Variants in RANBP17 observed in about 807,000 individuals in gnomAD.
The protein encoded by RANBP17 is ran-binding protein 17.
In RANBP17, 158 loss-of-function variants were observed where a neutral mutation model predicts 141.2. That is an observed-to-expected ratio of 1.12 (90% CI 0.98 to 1.28). RANBP17 has a LOEUF of 1.28. Among genes scored for constraint, RANBP17 ranks in the 50% most tolerant of loss-of-function variants. The pLI, the probability that RANBP17 is intolerant of heterozygous loss-of-function variation, is 0.00. For missense variants in RANBP17, 1,438 were observed against 1,290.7 expected (o/e 1.11, Z -1.75); for synonymous variants, 430 against 450.0 (o/e 0.96, Z 0.56).
chr5:171,265,976 TGTCTGGGAGTA>T, intron 25 of RANBP17, 129 bp downstream of exon 25: 1 of 686,390 alleles, frequency 1.5e-6, no homozygotes, highest in Non-Finnish European at 2.3e-6. Context: ...ATATATATAT[TGTCTGGGAGTA>T]TTTTCCCTGA....
chr5:171,009,299 T>C (rs535218343), intron 14 of RANBP17, among the ~76,000 whole-genome samples: 5 of 152,324 alleles, frequency 3.3e-5, no homozygotes, highest in Admixed American at 6.5e-5. Context: ...ATAATAAATA[T>C]AAAGAGTGTC....
chr5:171,257,844 G>A (rs1395930840), intron 24 of RANBP17, among the ~76,000 whole-genome samples: 2 of 151,972 alleles, frequency 1.3e-5, no homozygotes, highest in African/African-American at 2.4e-5. Context: ...GGTGGCTCAC[G>A]CCTGTAATCC....
chr5:170,996,157 CA>C (rs1163692164), intron 14 of RANBP17, among the ~76,000 whole-genome samples: 1 of 152,092 alleles, frequency 6.6e-6, no homozygotes, highest in African/African-American at 2.4e-5. Flanking sequence ...CTTTCTACAT[CA>C]AAAGGGCTAG....
chr5:171,040,216 A>G (rs1190423849), intron 14 of RANBP17, among the ~76,000 whole-genome samples: 1 of 152,218 alleles, frequency 6.6e-6, no homozygotes, highest in East Asian at 1.9e-4. Context: ...TTGTTTCAAC[A>G]TAATGCAAAT....
At chr5:170,901,414 A>G (rs1220499460) in intron 5 of RANBP17, among the ~76,000 whole-genome samples, 4 of 151,648 alleles carry the variant, frequency 2.6e-5, no homozygotes, top group Non-Finnish European at 4.4e-5. Context: ...GGCTATTTAC[A>G]AAGGCACATG....
chr5:170,878,855 C>A (rs1554127347), intron 2 of RANBP17, among the ~76,000 whole-genome samples: 1 of 151,926 alleles, frequency 6.6e-6, no homozygotes, highest in Non-Finnish European at 1.5e-5. Flanking sequence ...CTGTGAAGGG[C>A]CAGATAGCAA....
At chr5:171,178,847 C>G (rs866168289) in intron 16 of RANBP17, among the ~76,000 whole-genome samples, 2 of 152,088 alleles carry the variant, frequency 1.3e-5, no homozygotes, top group East Asian at 3.9e-4. Flanking sequence ...TCCTATCCGT[C>G]GCCCACTTTT....
chr5:171,223,527 C>CT (rs1363634939), intron 22 of RANBP17, among the ~76,000 whole-genome samples: 1 of 152,076 alleles, frequency 6.6e-6, no homozygotes, highest in African/African-American at 2.4e-5. Flanking sequence ...CCCAGCTACT[C>CT]AGGAGGCTGA....
intron 14 of RANBP17, among the ~76,000 whole-genome samples, chr5:171,085,152 A>G (rs1785551602): frequency 8.3e-6 from 1 of 120,680 alleles, no homozygotes; most frequent in Admixed American, 8.7e-5. Context: ...AGGTGTAAGG[A>G]AGGGATCCAG....
At chr5:170,911,560 T>C (rs1378335976) in intron 7 of RANBP17, among the ~76,000 whole-genome samples, 1 of 151,722 alleles carries the variant, frequency 6.6e-6, no homozygotes, top group Admixed American at 6.6e-5. Context: ...CTTAACTGCC[T>C]TAACTTTGAC....
At chr5:171,068,006 C>G (rs1388835260) in intron 14 of RANBP17, among the ~76,000 whole-genome samples, 1 of 151,960 alleles carries the variant, frequency 6.6e-6, no homozygotes, top group Non-Finnish European at 1.5e-5. Flanking sequence ...CTTTAATTCT[C>G]ATAATGTGTA....
chr5:171,089,271 G>GGGGGTTA (rs1561641416), intron 14 of RANBP17, among the ~76,000 whole-genome samples: 24 of 97,888 alleles, frequency 2.5e-4, no homozygotes, highest in African/African-American at 7.1e-4. Flanking sequence ...TAGGCTGCTC[G>GGGGGTTA]GGGGTCACGG....
At chr5:171,197,756 C>G (rs1226879910) in intron 18 of RANBP17, among the ~76,000 whole-genome samples, 1 of 152,116 alleles carries the variant, frequency 6.6e-6, no homozygotes, top group East Asian at 1.9e-4. Flanking sequence ...AAGAGCCAGG[C>G]GGCCGGGCGC....
intron 14 of RANBP17, among the ~76,000 whole-genome samples, chr5:171,141,978 C>A (rs1757736423): frequency 1.3e-5 from 2 of 152,234 alleles, no homozygotes; most frequent in African/African-American, 4.8e-5. Context: ...GCGTAATTTG[C>A]ATGCCTTCAA....
rs1763452387 is a variant in RANBP17, at chr5:171,219,996, G to A, written c.2340-1762G>A. Reference sequence around the variant, plus strand: ...CATTCTGGTTTTTGGAATTTTCAGTGTTTTTTGTGCTGGTTTTTCCTCATC... The same window carrying A: ...CATTCTGGTTTTTGGAATTTTCAGTATTTTTTGTGCTGGTTTTTCCTCATC... On this transcript the variant is annotated intron_variant, in intron 21 of 27. Transcript: ENST00000523189. 2.0e-5 allele frequency among the ~76,000 whole-genome samples: 3 copies of A among 152,134 alleles called. No individual in the cohort carries two copies. The South Asian group carries it at 6.2e-4, about 32-fold the overall frequency.
At chr5:171,189,974 A>G (rs1274526067) in intron 18 of RANBP17, among the ~76,000 whole-genome samples, 1 of 152,226 alleles carries the variant, frequency 6.6e-6, no homozygotes, top group Non-Finnish European at 1.5e-5. Context: ...GATCCTCCTC[A>G]AATTAAAAAA....
At chr5:171,179,356 T>TTG (rs1369306199) in intron 16 of RANBP17, among the ~76,000 whole-genome samples, 11 of 151,868 alleles carry the variant, frequency 7.2e-5, no homozygotes, top group Non-Finnish European at 1.3e-4. Flanking sequence ...TTTTGTCTGT[T>TTG]TGTGTGTGTG....
chr5:171,229,410 TG>T (rs1271030552), intron 22 of RANBP17, among the ~76,000 whole-genome samples: 1 of 152,156 alleles, frequency 6.6e-6, no homozygotes, highest in Admixed American at 6.5e-5. Context: ...TTTTTTTGTT[TG>T]TTTTTTTCAG....
Position 170,949,816 on chromosome 5 carries a change from A to T in RANBP17, c.1469-3781A>T, listed in dbSNP as rs560797157. 9.2e-5 allele frequency among the ~76,000 whole-genome samples: 14 copies of T among 152,232 alleles called. No individual in the cohort carries two copies. In the South Asian group the frequency reaches 2.9e-3, roughly 32 times the overall value. On this transcript the variant is annotated intron_variant, in intron 12 of 27. Transcript: ENST00000523189. ...TTATAATAGTCAAAAGATGGAAACA[A>T]TCCAAGCTTCCATCAACTGAATGGG...
Sources: gnomAD v4.1 joint callset for allele counts (sites outside exome capture counted in the v4.1 genomes callset) on GRCh38, gnomAD v4.1.1 for gene constraint, MANE v1.5 for transcripts, NCBI Gene and HGNC (gene_info 2026-07-23, HGNC 2026-07-21) for gene names.